Variants in CRY1 observed in about 807,000 individuals in gnomAD.
The protein encoded by CRY1 is cryptochrome-1.
In CRY1, 45 loss-of-function variants were observed where a neutral mutation model predicts 76.0. The ratio of observed to expected loss-of-function variants is 0.59; its 90% CI spans 0.47 to 0.76. The LOEUF (loss-of-function observed/expected upper bound fraction) is 0.76. Ranked by LOEUF, CRY1 falls within the 30% of genes least tolerant of loss-of-function variation. The probability of loss-of-function intolerance (pLI) is 0.00; values close to 1 mark genes in which losing one functional copy is unlikely to be tolerated. For synonymous variants in CRY1, 248 were observed against 244.0 expected, an observed-to-expected ratio of 1.02 and a Z score of -0.15; for missense variants, 587 against 716.4, an observed-to-expected ratio of 0.82 and a Z score of 2.06.
At chr12:107,038,408 G>A (rs1241443918) in intron 1 of CRY1, among the ~76,000 whole-genome samples, 3 of 152,012 alleles carry the variant, frequency 2.0e-5, no homozygotes, top group Admixed American at 6.6e-5. Flanking sequence ...GAGGAAAGAT[G>A]GAATAAAGTC....
chr12:107,017,595 T>C (rs1365908155), intron 2 of CRY1, among the ~76,000 whole-genome samples: 3 of 152,200 alleles, frequency 2.0e-5, no homozygotes, highest in Non-Finnish European at 4.4e-5. Context: ...CAGGCTTTCT[T>C]ACATGATAGA....
chr12:107,069,739 TTAA>T (rs1252722393), intron 1 of CRY1, among the ~76,000 whole-genome samples: 1 of 145,900 alleles, frequency 6.9e-6, no homozygotes, highest in Non-Finnish European at 1.5e-5. Flanking sequence ...GTAATATATA[TTAA>T]GTATATATAT....
At chr12:107,084,462 T>C (rs1351362330) in intron 1 of CRY1, among the ~76,000 whole-genome samples, 1 of 152,178 alleles carries the variant, frequency 6.6e-6, no homozygotes, top group Non-Finnish European at 1.5e-5. Flanking sequence ...CAAAATAGCA[T>C]GGTACTGGTA....
At chr12:107,050,989 T>C (rs942968656) in intron 1 of CRY1, among the ~76,000 whole-genome samples, 1 of 151,938 alleles carries the variant, frequency 6.6e-6, no homozygotes, top group Non-Finnish European at 1.5e-5. Context: ...AAGAAAATAA[T>C]GAAAGAACAA....
At chr12:107,008,838 T>G (rs1952403801) in intron 2 of CRY1, among the ~76,000 whole-genome samples, 2 of 152,244 alleles carry the variant, frequency 1.3e-5, no homozygotes, top group African/African-American at 4.8e-5. Context: ...GGTCTGATGG[T>G]TTTTTTAAAG....
intron 1 of CRY1, among the ~76,000 whole-genome samples, chr12:107,041,298 A>T (rs1023154526): frequency 2.0e-5 from 3 of 152,224 alleles, no homozygotes; most frequent in African/African-American, 7.2e-5. Flanking sequence ...GCATTGTATC[A>T]TTGATGTCCC....
intron 2 of CRY1, among the ~76,000 whole-genome samples, chr12:107,012,203 G>A (rs181092475): frequency 2.0e-5 from 3 of 152,220 alleles, no homozygotes; most frequent in Admixed American, 2.0e-4. Context: ...AATAAAAAAA[G>A]AAGAAAAAGT....
chr12:107,063,485 C>T (rs1449176675), intron 1 of CRY1, among the ~76,000 whole-genome samples: 1 of 152,080 alleles, frequency 6.6e-6, no homozygotes, highest in Non-Finnish European at 1.5e-5. Flanking sequence ...TCAATGCTGA[C>T]ATGGAGATTA....
At chr12:107,021,621 T>C (rs1952559433) in intron 2 of CRY1, among the ~76,000 whole-genome samples, 1 of 152,184 alleles carries the variant, frequency 6.6e-6, no homozygotes, top group African/African-American at 2.4e-5. Context: ...GAGAATGGTG[T>C]GTATAGTGTG....
rs761421114 is a variant in CRY1 at position 106,999,702 on chromosome 12, T to G, written c.986A>C (p.Lys329Thr). ...PWDKNPEALA[K>T]WAEGRTGFPW... ...AAAGCCTGTCCGGCCTTCCGCCCATTTGGCTAAAGCCTCAGGATTTTTATC... is the reference window on the plus strand; with the variant it reads ...AAAGCCTGTCCGGCCTTCCGCCCATGTGGCTAAAGCCTCAGGATTTTTATC... Residue 329 changes from lysine to threonine, a missense_variant, in exon 7 of 13, where the codon AAA (lysine) becomes ACA (threonine). Coordinates refer to ENST00000008527, the MANE Select transcript of CRY1 (RefSeq NM_004075.5). The G allele has an allele frequency of 6.2e-7, 1 of 1,614,264 alleles. No individual in the cohort carries two copies.
At chr12:107,069,373 C>T (rs1010037020) in intron 1 of CRY1, among the ~76,000 whole-genome samples, 18 of 150,928 alleles carry the variant, frequency 1.2e-4, no homozygotes, top group Non-Finnish European at 2.1e-4. Flanking sequence ...TACAGGCGCC[C>T]GCCACCACGC....
At chr12:107,045,550 T>G (rs1436992197) in intron 1 of CRY1, among the ~76,000 whole-genome samples, 1 of 152,242 alleles carries the variant, frequency 6.6e-6, no homozygotes, top group Non-Finnish European at 1.5e-5. Flanking sequence ...TTTGGTATTT[T>G]ATACATGAAG....
intron 1 of CRY1, among the ~76,000 whole-genome samples, chr12:107,090,833 G>A (rs1953461402): frequency 6.6e-6 from 1 of 152,112 alleles, no homozygotes; most frequent in South Asian, 2.1e-4. Flanking sequence ...CCATTTGAAT[G>A]TGTAAAATAC....
intron 1 of CRY1, among the ~76,000 whole-genome samples, chr12:107,085,214 G>C (rs1394294704): frequency 1.3e-5 from 2 of 152,174 alleles, no homozygotes; most frequent in African/African-American, 4.8e-5. Flanking sequence ...CACTGTTGGT[G>C]GGAGTGTAAA....
chr12:107,069,312 C>T (rs1461277938), intron 1 of CRY1, among the ~76,000 whole-genome samples: 2 of 150,946 alleles, frequency 1.3e-5, no homozygotes, highest in East Asian at 1.9e-4. Context: ...GCAAGCTGCA[C>T]CTCCCAGGTT....
chr12:107,055,525 C>G (rs1322784760), intron 1 of CRY1, among the ~76,000 whole-genome samples: 2 of 151,974 alleles, frequency 1.3e-5, no homozygotes, highest in Non-Finnish European at 2.9e-5. Flanking sequence ...ATTCAATAGG[C>G]TAACTCCATT....
chr12:107,069,664 A>T (rs1198467422), intron 1 of CRY1, among the ~76,000 whole-genome samples: 2 of 141,346 alleles, frequency 1.4e-5, no homozygotes, highest in South Asian at 4.3e-4. Flanking sequence ...AAGTATATAT[A>T]AAGTATATAT....
intron 1 of CRY1, among the ~76,000 whole-genome samples, chr12:107,028,886 T>G (rs577656339): frequency 1.4e-3 from 210 of 152,340 alleles, no homozygotes; most frequent in African/African-American, 5.0e-3. Context: ...CTTTCCTTTA[T>G]TTATATAGGT....
chr12:107,072,693 A>G (rs1156516691), intron 1 of CRY1, among the ~76,000 whole-genome samples: 1 of 152,234 alleles, frequency 6.6e-6, no homozygotes, highest in East Asian at 1.9e-4. Flanking sequence ...ATGTAAACAC[A>G]CATTCATATT....
Sources: allele counts gnomAD v4.1 joint callset (sites outside exome capture counted in the v4.1 genomes callset), GRCh38; gene constraint gnomAD v4.1.1; transcripts MANE v1.5; gene names NCBI Gene and HGNC (gene_info 2026-07-23, HGNC 2026-07-21).